MEGF11: variants seen among roughly 807,000 people sequenced by gnomAD.
MEGF11 encodes multiple epidermal growth factor-like domains protein 11.
A neutral mutation model predicts 146.6 loss-of-function variants in MEGF11; 126 were observed. The ratio of observed to expected loss-of-function variants is 0.86; its 90% CI spans 0.74 to 1.00. MEGF11 has a LOEUF of 1.00. MEGF11 is among the 50% of genes least tolerant of loss of function. The pLI, the probability that MEGF11 is intolerant of heterozygous loss-of-function variation, is 0.00. For missense variants in MEGF11, 1,509 were observed against 1,521.2 expected, an observed-to-expected ratio of 0.99 and a Z score of 0.13; for synonymous variants, 532 against 583.4, an observed-to-expected ratio of 0.91 and a Z score of 1.27.
At chr15:65,919,503 C>T (rs915787098) in intron 15 of MEGF11, among the ~76,000 whole-genome samples, 1 of 152,056 alleles carries the variant, frequency 6.6e-6, no homozygotes, top group African/African-American at 2.4e-5. Context: ...GTCTAAAAAA[C>T]AATGTACATG....
At chr15:65,909,191 G>GGCCCT in intron 22 of MEGF11, 56 bp from the exon 23 acceptor site, 1 of 1,255,400 alleles carries the variant, frequency 8.0e-7, no homozygotes, top group Non-Finnish European at 1.1e-6. Flanking sequence ...GGTATAGCAG[G>GGCCCT]GGAAGGGGGT....
intron 4 of MEGF11, among the ~76,000 whole-genome samples, chr15:66,115,374 T>C (rs2087672758): frequency 6.6e-6 from 1 of 152,192 alleles, no homozygotes; most frequent in African/African-American, 2.4e-5. Context: ...CTACCATTTC[T>C]CCCTCTCACA....
At chr15:66,053,471 G>A (rs944161534) in intron 5 of MEGF11, among the ~76,000 whole-genome samples, 1 of 152,060 alleles carries the variant, frequency 6.6e-6, no homozygotes, top group African/African-American at 2.4e-5. Flanking sequence ...GGGGAATGGG[G>A]TTATCATTAT....
chr15:66,114,028 G>T (rs1048355748), intron 4 of MEGF11, among the ~76,000 whole-genome samples: 2 of 152,194 alleles, frequency 1.3e-5, no homozygotes, highest in Admixed American at 6.5e-5. Context: ...CTGGGGCCCA[G>T]CAGTCTGTGG....
chr15:66,014,327 A>T (rs1707873458), intron 5 of MEGF11, among the ~76,000 whole-genome samples: 1 of 152,206 alleles, frequency 6.6e-6, no homozygotes, highest in Non-Finnish European at 1.5e-5. Flanking sequence ...GGTCACATTC[A>T]CAGGCTCCAG....
chr15:66,182,080 A>G (rs758207362), intron 1 of MEGF11, among the ~76,000 whole-genome samples: 35 of 152,104 alleles, frequency 2.3e-4, no homozygotes, highest in African/African-American at 5.3e-4. Context: ...AACTCCTCCC[A>G]TATTTCCCAG....
At chr15:66,098,270 G>T (rs948037360) in intron 4 of MEGF11, among the ~76,000 whole-genome samples, 1 of 152,122 alleles carries the variant, frequency 6.6e-6, no homozygotes, top group African/African-American at 2.4e-5. Flanking sequence ...CAATCAAGCT[G>T]CTCAGATAAC....
At chr15:66,109,121 C>T (rs1020341072) in intron 4 of MEGF11, among the ~76,000 whole-genome samples, 1 of 152,136 alleles carries the variant, frequency 6.6e-6, no homozygotes, top group Non-Finnish European at 1.5e-5. Flanking sequence ...AGAGCTTGGC[C>T]AGCAAAACCC....
intron 21 of MEGF11, chr15:65,910,023 G>A (rs2078750243): frequency 4.4e-6 from 3 of 677,236 alleles, no homozygotes; most frequent in Non-Finnish European, 5.4e-6. Flanking sequence ...CCAGCTGTTG[G>A]GCTGAAGTTG....
chr15:66,203,401 T>C (rs2091220242), intron 1 of MEGF11, among the ~76,000 whole-genome samples: 1 of 152,234 alleles, frequency 6.6e-6, no homozygotes, highest in Non-Finnish European at 1.5e-5. Context: ...TGTTCTTTCA[T>C]TTGGAACTGG....
chr15:65,953,168 G>C (rs1213778400), intron 10 of MEGF11, among the ~76,000 whole-genome samples: 2 of 152,194 alleles, frequency 1.3e-5, no homozygotes, highest in Non-Finnish European at 2.9e-5. Flanking sequence ...TAGCTTACCG[G>C]TAATTGCTGC....
At chr15:66,167,630 A>T (rs1348987919) in intron 1 of MEGF11, among the ~76,000 whole-genome samples, 1 of 151,644 alleles carries the variant, frequency 6.6e-6, no homozygotes, top group East Asian at 2.0e-4. Flanking sequence ...GGGCAATGAG[A>T]GCGAAATTCC....
At chr15:66,223,144 T>C (rs1157702878) in intron 1 of MEGF11, among the ~76,000 whole-genome samples, 1 of 152,160 alleles carries the variant, frequency 6.6e-6, no homozygotes, top group Non-Finnish European at 1.5e-5. Context: ...CAAAGTGAAA[T>C]ATTATTTGGC....
rs555899580 is a variant in MEGF11, at chr15:65,975,452, C to T, written c.763-4763G>A. Among the ~76,000 whole-genome samples the T allele has an allele frequency of 6.4e-4, 97 of 152,300 alleles. 1 individual carries two copies. Among genetic ancestry groups the T allele is most frequent in the African/African-American group, 2.3e-3 (95 of 41,576 alleles). On this transcript the variant is annotated intron_variant, in intron 7 of 25. Coordinates refer to ENST00000395614, the MANE Select transcript of MEGF11 (RefSeq NM_001385028.1). Reference sequence around the variant, plus strand: ...TGAAGTGGGTGAGCACCTCTTTCAGCCCCTGCTCAGGATTCCCAAACTGCA... The same window carrying T: ...TGAAGTGGGTGAGCACCTCTTTCAGTCCCTGCTCAGGATTCCCAAACTGCA...
chr15:65,968,849 C>G (rs1390850347), intron 8 of MEGF11, among the ~76,000 whole-genome samples: 2 of 152,192 alleles, frequency 1.3e-5, no homozygotes, highest in African/African-American at 4.8e-5. Flanking sequence ...TGGTTTCTGC[C>G]TATCCGGGGA....
intron 5 of MEGF11, among the ~76,000 whole-genome samples, chr15:66,013,781 G>C (rs183409634): frequency 3.7e-4 from 57 of 152,208 alleles, no homozygotes; most frequent in Non-Finnish European, 6.6e-4. Context: ...AGAAGAGTGA[G>C]ACTTTGCACC....
intron 5 of MEGF11, among the ~76,000 whole-genome samples, chr15:66,070,199 C>A (rs1160502181): frequency 6.6e-6 from 1 of 152,190 alleles, no homozygotes; most frequent in Non-Finnish European, 1.5e-5. Flanking sequence ...CTGGGGAAGC[C>A]CAGCTTTAAT....
intron 9 of MEGF11, among the ~76,000 whole-genome samples, chr15:65,963,543 T>TAAC (rs2080945238): frequency 6.6e-6 from 1 of 151,852 alleles, no homozygotes; most frequent in Non-Finnish European, 1.5e-5. Flanking sequence ...TTCCTAGTAG[T>TAAC]AACCCAAATA....
At chr15:66,017,787 T>C (rs1462601205) in intron 5 of MEGF11, among the ~76,000 whole-genome samples, 1 of 152,136 alleles carries the variant, frequency 6.6e-6, no homozygotes, top group African/African-American at 2.4e-5. Context: ...AAGGGAGCAC[T>C]GTGGCCTAAG....
Sources: allele counts gnomAD v4.1 joint callset (sites outside exome capture counted in the v4.1 genomes callset), GRCh38; gene constraint gnomAD v4.1.1; transcripts MANE v1.5; gene names NCBI Gene and HGNC (gene_info 2026-07-23, HGNC 2026-07-21).